Variants in STAC observed in about 807,000 individuals in gnomAD.
The protein encoded by STAC is SH3 and cysteine rich domain, also known as SH3 and cysteine-rich domain-containing protein.
Under a neutral mutation model 48.8 loss-of-function variants are expected in STAC, and 43 were observed. The ratio of observed to expected loss-of-function variants is 0.88; its 90% CI spans 0.69 to 1.14. The LOEUF is 1.14. Ranked by LOEUF, STAC falls within the 50% of genes most tolerant of loss-of-function variation. STAC has a pLI of 0.00. For missense variants in STAC, 497 were observed against 504.0 expected, an observed-to-expected ratio of 0.99 and a Z score of 0.13; for synonymous variants, 193 against 179.5, an observed-to-expected ratio of 1.07 and a Z score of -0.60.
At chr3:36,525,621 T>C (rs564197424) in intron 8 of STAC, among the ~76,000 whole-genome samples, 1 of 152,322 alleles carries the variant, frequency 6.6e-6, no homozygotes, top group Admixed American at 6.5e-5. Context: ...AGCAGCAAAG[T>C]CATTGTGTTT....
At chr3:36,508,212 C>G (rs1698451625) in intron 8 of STAC, among the ~76,000 whole-genome samples, 1 of 152,140 alleles carries the variant, frequency 6.6e-6, no homozygotes, top group African/African-American at 2.4e-5. Flanking sequence ...TGTTCAGTTT[C>G]CATGTAGTTG....
intron 1 of STAC, among the ~76,000 whole-genome samples, chr3:36,395,124 T>C (rs1699830839): frequency 6.6e-6 from 1 of 152,060 alleles, no homozygotes; most frequent in Non-Finnish European, 1.5e-5. Flanking sequence ...AGATTGGATG[T>C]GAACTTAATC....
rs1338007599 is a variant in STAC, at chr3:36,485,042, A to C, written c.555A>C (p.Lys185Asn). The C allele has an allele frequency of 1.9e-6, 3 of 1,605,704 alleles. No homozygotes were observed. The South Asian group carries it at 3.4e-5, about 18-fold the overall frequency. ...LLIHEQFGCI[K>N]EVMPIACGNK... The stretch of plus-strand genomic sequence containing the variant: ...TTCATGAACAGTTTGGCTGCATTAA[A>C]GAAGTTATGCCCATTGGTGAGTTGG... Residue 185 changes from lysine (K) to asparagine (N), a missense_variant, in exon 4 of 11, where the codon AAA becomes AAC. Lys to Asn is a moderately conservative substitution (Grantham distance 94). Transcript: ENST00000273183.
chr3:36,488,386 C>A (rs1246440740), intron 5 of STAC, among the ~76,000 whole-genome samples: 1 of 152,230 alleles, frequency 6.6e-6, no homozygotes, highest in Non-Finnish European at 1.5e-5. Context: ...GTGTTAGAAA[C>A]CCCTGACTTA....
chr3:36,495,254 T>A (rs1698115358), intron 6 of STAC, among the ~76,000 whole-genome samples: 1 of 152,264 alleles, frequency 6.6e-6, no homozygotes, highest in Non-Finnish European at 1.5e-5. Flanking sequence ...CATACATTGA[T>A]GATTCAAACT....
chr3:36,463,221 C>T (rs532270928), intron 2 of STAC, among the ~76,000 whole-genome samples: 1 of 152,244 alleles, frequency 6.6e-6, no homozygotes, highest in South Asian at 2.1e-4. Flanking sequence ...GAAGGGAATT[C>T]TCTCAATGAT....
intron 1 of STAC, among the ~76,000 whole-genome samples, chr3:36,407,008 A>G (rs1203260017): frequency 6.6e-6 from 1 of 152,208 alleles, no homozygotes; most frequent in Admixed American, 6.5e-5. Flanking sequence ...ACCGCTCTAA[A>G]TTCACGTTCC....
At chr3:36,493,596 G>C (rs891366338) in intron 6 of STAC, among the ~76,000 whole-genome samples, 2 of 150,616 alleles carry the variant, frequency 1.3e-5, no homozygotes, top group Non-Finnish European at 3.0e-5. Flanking sequence ...TTAGCAAACC[G>C]TACCACAGAG....
chr3:36,536,407 A>G lies in STAC; in HGVS notation c.1110+7422A>G, dbSNP rs192384416. Among the ~76,000 whole-genome samples, 434 of 152,322 alleles carry G rather than the reference A, an allele frequency of 2.8e-3. 2 individuals are homozygous for G. The highest frequency in any genetic ancestry group is 6.8e-3 in the Middle Eastern group (2 of 294). On this transcript the variant is annotated intron_variant, in intron 10 of 10. Transcript: ENST00000273183. Reference sequence around the variant, plus strand: ...TGGTACAAAAACAGATACATAGGCCAGTGGAACAGTATAGAGGTCTCAGAA... The same window carrying G: ...TGGTACAAAAACAGATACATAGGCCGGTGGAACAGTATAGAGGTCTCAGAA...
chr3:36,496,440 G>T (rs565512740), intron 6 of STAC, among the ~76,000 whole-genome samples: 27 of 152,298 alleles, frequency 1.8e-4, no homozygotes, highest in Admixed American at 5.9e-4. Flanking sequence ...AACCAGTTCT[G>T]CATTACATGT....
At chr3:36,483,877 G>A in intron 3 of STAC, among the ~76,000 whole-genome samples, 1 of 152,198 alleles carries the variant, frequency 6.6e-6, no homozygotes, top group East Asian at 1.9e-4. Flanking sequence ...CTTGAGCCCA[G>A]AAGGCAGAGG....
rs570809986 is a variant in STAC, at chr3:36,453,567, C to T, written c.388+9927C>T. Among the ~76,000 whole-genome samples, 5 of 152,358 alleles carry T rather than the reference C, an allele frequency of 3.3e-5. No homozygotes were observed. In the South Asian group the frequency reaches 8.3e-4, roughly 25 times the overall value. ...GGCAGGGCTGGGGACCTGCAGCCCG[C>T]CATGCCTGAGCCTCCCACCCCCTCC... On this transcript the variant is annotated intron_variant, in intron 2 of 10. Transcript: ENST00000273183.
chr3:36,445,054 T>C (rs1272233572), intron 2 of STAC, among the ~76,000 whole-genome samples: 1 of 152,208 alleles, frequency 6.6e-6, no homozygotes, highest in Non-Finnish European at 1.5e-5. Context: ...TATTCATAAA[T>C]AACCCTTAAA....
At chr3:36,521,392 A>G (rs1698801582) in intron 8 of STAC, among the ~76,000 whole-genome samples, 1 of 152,102 alleles carries the variant, frequency 6.6e-6, no homozygotes, top group African/African-American at 2.4e-5. Flanking sequence ...ATGAAAATGC[A>G]ACTGTTCATG....
intron 5 of STAC, among the ~76,000 whole-genome samples, chr3:36,487,726 ATAT>A (rs1392784924): frequency 1.2e-4 from 19 of 152,198 alleles, no homozygotes; most frequent in Non-Finnish European, 1.8e-4. Flanking sequence ...CGTGTTAAGG[ATAT>A]TATAATGACT....
chr3:36,487,705 C>T (rs890903014), intron 5 of STAC, among the ~76,000 whole-genome samples: 1 of 152,118 alleles, frequency 6.6e-6, no homozygotes, highest in Admixed American at 6.5e-5. Context: ...AGATTGAGAA[C>T]GTAACATACA....
At chr3:36,408,228 T>A (rs1458032141) in intron 1 of STAC, among the ~76,000 whole-genome samples, 1 of 152,186 alleles carries the variant, frequency 6.6e-6, no homozygotes, top group Non-Finnish European at 1.5e-5. Flanking sequence ...ATCCTCTCCA[T>A]AGGCCCTGCC....
chr3:36,457,923 G>A (rs1173320748), intron 2 of STAC, among the ~76,000 whole-genome samples: 1 of 152,194 alleles, frequency 6.6e-6, no homozygotes, highest in Admixed American at 6.5e-5. Flanking sequence ...GCGGGTGAGG[G>A]GCGGGGGAAG....
At chr3:36,426,573 C>T (rs909980218) in intron 1 of STAC, among the ~76,000 whole-genome samples, 1 of 152,026 alleles carries the variant, frequency 6.6e-6, no homozygotes, top group Non-Finnish European at 1.5e-5. Context: ...CTGTTAGCTA[C>T]TTTTTTCAAG....
Sources: allele counts gnomAD v4.1 joint callset (sites outside exome capture counted in the v4.1 genomes callset), GRCh38; gene constraint gnomAD v4.1.1; transcripts MANE v1.5; gene names NCBI Gene and HGNC (gene_info 2026-07-23, HGNC 2026-07-21).